Variants in ZNF385D observed in about 807,000 individuals in gnomAD.
The protein encoded by ZNF385D is zinc finger protein 385D, also known as zinc finger protein 659.
A neutral mutation model predicts 35.8 loss-of-function variants in ZNF385D; 15 were observed. The ratio of observed to expected loss-of-function variants is 0.42; its 90% CI spans 0.28 to 0.64. ZNF385D has a LOEUF of 0.64. ZNF385D is among the 30% of genes least tolerant of loss of function. The probability of loss-of-function intolerance (pLI) is 0.23; values close to 1 mark genes in which losing one functional copy is unlikely to be tolerated. For synonymous variants in ZNF385D, 212 were observed against 186.8 expected, an observed-to-expected ratio of 1.13 and a Z score of -1.10; for missense variants, 474 against 494.6, an observed-to-expected ratio of 0.96 and a Z score of 0.39.
intron 3 of ZNF385D, among the ~76,000 whole-genome samples, chr3:22,111,981 C>T (rs572442662): frequency 4.6e-5 from 7 of 152,196 alleles, no homozygotes; most frequent in Non-Finnish European, 8.8e-5. Context: ...ATAGAAAAGT[C>T]GGCTGTGCTA....
chr3:21,585,191 ATTG>A (rs1040819491), intron 2 of ZNF385D, among the ~76,000 whole-genome samples: 1 of 152,216 alleles, frequency 6.6e-6, no homozygotes, highest in African/African-American at 2.4e-5. Flanking sequence ...GTAAAGGATT[ATTG>A]TTGCTCATAT....
chr3:21,676,170 T>C (rs1187246697), intron 1 of ZNF385D, among the ~76,000 whole-genome samples: 2 of 152,126 alleles, frequency 1.3e-5, no homozygotes, highest in Non-Finnish European at 2.9e-5. Flanking sequence ...ATTTAGCACA[T>C]CTCTAGCATT....
intron 3 of ZNF385D, among the ~76,000 whole-genome samples, chr3:21,802,363 G>C (rs1474777633): frequency 6.6e-6 from 1 of 152,080 alleles, no homozygotes; most frequent in African/African-American, 2.4e-5. Context: ...TTTTGGAGAG[G>C]ATTTTTCATT....
At chr3:21,694,325 G>C (rs535200918) in intron 1 of ZNF385D, among the ~76,000 whole-genome samples, 1 of 151,864 alleles carries the variant, frequency 6.6e-6, no homozygotes, top group Admixed American at 6.6e-5. Flanking sequence ...GTGAGCCACC[G>C]CGCCCAGCCT....
chr3:21,788,233 C>T (rs2071782928), intron 3 of ZNF385D, among the ~76,000 whole-genome samples: 1 of 152,200 alleles, frequency 6.6e-6, no homozygotes, highest in African/African-American at 2.4e-5. Context: ...TATCTCAGCA[C>T]TTCGGGAGGC....
At chr3:21,676,339 T>G (rs2066723096) in intron 1 of ZNF385D, among the ~76,000 whole-genome samples, 1 of 152,156 alleles carries the variant, frequency 6.6e-6, no homozygotes, top group Non-Finnish European at 1.5e-5. Context: ...CTGTTTAGTC[T>G]CGGCCTCAAT....
intron 3 of ZNF385D, among the ~76,000 whole-genome samples, chr3:21,886,471 A>G (rs1698553186): frequency 6.6e-6 from 1 of 152,000 alleles, no homozygotes; most frequent in African/African-American, 2.4e-5. Flanking sequence ...CTCTCTGAGC[A>G]CCACCCTTCA....
At chr3:22,262,324 G>A (rs992107613) in intron 2 of ZNF385D, among the ~76,000 whole-genome samples, 1 of 151,866 alleles carries the variant, frequency 6.6e-6, no homozygotes, top group African/African-American at 2.4e-5. Context: ...GACACATGGA[G>A]TTAACACACA....
At chr3:21,795,971 C>A (rs1575664059) in intron 3 of ZNF385D, among the ~76,000 whole-genome samples, 1 of 152,184 alleles carries the variant, frequency 6.6e-6, no homozygotes, top group African/African-American at 2.4e-5. Flanking sequence ...TTTGAAAGAT[C>A]TAATAGTCTA....
In ZNF385D at chr3:22,036,954, C is replaced by T. The variant is rs182089799; in HGVS notation, c.325+131863G>A. Reference sequence around the variant, plus strand: ...TTCAATTCCCACCTATGAGTGAGAACATGTGGTGTTTGGTTTTTTGTCCCT... The same window carrying T: ...TTCAATTCCCACCTATGAGTGAGAATATGTGGTGTTTGGTTTTTTGTCCCT... On this transcript the variant is annotated intron_variant, in intron 3 of 5. Transcript: ENST00000494108. Among the ~76,000 whole-genome samples the T allele has an allele frequency of 8.1e-3, 1,198 of 147,632 alleles. 21 individuals are homozygous for T. Among genetic ancestry groups the T allele is most frequent in the African/African-American group, 0.028 (1,137 of 39,936 alleles).
At chr3:22,200,518 A>G (rs1696715401) in intron 2 of ZNF385D, among the ~76,000 whole-genome samples, 1 of 152,138 alleles carries the variant, frequency 6.6e-6, no homozygotes, top group South Asian at 2.1e-4. Context: ...GGGCAAGATC[A>G]CAGTACCACA....
chr3:21,808,029 G>A (rs958627680), intron 3 of ZNF385D, among the ~76,000 whole-genome samples: 4 of 152,136 alleles, frequency 2.6e-5, no homozygotes, highest in African/African-American at 9.7e-5. Context: ...GAATTGCTAA[G>A]TAGTATAGAT....
chr3:22,217,760 G>C (rs1697983101), intron 2 of ZNF385D, among the ~76,000 whole-genome samples: 1 of 152,136 alleles, frequency 6.6e-6, no homozygotes, highest in African/African-American at 2.4e-5. Context: ...AAGCACAGCA[G>C]AGAGCTGGAG....
intron 3 of ZNF385D, among the ~76,000 whole-genome samples, chr3:21,925,127 C>G (rs1700663512): frequency 6.6e-6 from 1 of 152,034 alleles, no homozygotes; most frequent in South Asian, 2.1e-4. Context: ...CTTAGCAAGA[C>G]TTTTATAGGT....
intron 3 of ZNF385D, among the ~76,000 whole-genome samples, chr3:21,951,192 T>C (rs1044859908): frequency 6.6e-6 from 1 of 151,804 alleles, no homozygotes; most frequent in Non-Finnish European, 1.5e-5. Flanking sequence ...GGAATGTTTT[T>C]CCAATTGTTT....
chr3:21,466,266 C>T (rs570406988), intron 4 of ZNF385D, among the ~76,000 whole-genome samples: 2 of 152,214 alleles, frequency 1.3e-5, no homozygotes, highest in East Asian at 3.9e-4. Context: ...GGGTTTGGTT[C>T]CTGCTTAATG....
chr3:21,920,661 T>C (rs1361606172), intron 3 of ZNF385D, among the ~76,000 whole-genome samples: 3 of 151,048 alleles, frequency 2.0e-5, no homozygotes, highest in Non-Finnish European at 4.4e-5. Context: ...ATTCTTTTCC[T>C]TCATGCTCTA....
chr3:21,584,476 G>C lies in ZNF385D; in HGVS notation c.166-19792C>G, dbSNP rs192678129. Among the ~76,000 whole-genome samples the C allele has an allele frequency of 1.6e-3, 248 of 152,040 alleles. 1 individual carries two copies. Among genetic ancestry groups the C allele is most frequent in the East Asian group, 3.3e-3 (17 of 5,156 alleles). ...AGAATTAGACTTCTTTTTTACACTTGATCTTAGCCAAAAGGCCGAGAAGCT... is the reference window on the plus strand; with the variant it reads ...AGAATTAGACTTCTTTTTTACACTTCATCTTAGCCAAAAGGCCGAGAAGCT... On this transcript the variant is annotated intron_variant, in intron 2 of 7. Coordinates refer to ENST00000281523, the MANE Select transcript of ZNF385D (RefSeq NM_024697.3).
chr3:21,653,768 C>G (rs1333162164), intron 2 of ZNF385D, among the ~76,000 whole-genome samples: 4 of 151,462 alleles, frequency 2.6e-5, no homozygotes, highest in African/African-American at 9.7e-5. Context: ...GTAGAACTAT[C>G]CGGAAAAAAA....
Sources: allele counts gnomAD v4.1 joint callset (sites outside exome capture counted in the v4.1 genomes callset), GRCh38; gene constraint gnomAD v4.1.1; transcripts MANE v1.5; gene names NCBI Gene and HGNC (gene_info 2026-07-23, HGNC 2026-07-21).